Variants in AP1M1 observed in about 807,000 individuals in gnomAD.
AP1M1 encodes AP-1 complex subunit mu-1.
Under a neutral mutation model 57.1 loss-of-function variants are expected in AP1M1, and 18 were observed. That is an observed-to-expected ratio of 0.32 (90% CI 0.22 to 0.47). AP1M1 has a LOEUF of 0.47. AP1M1 is among the 20% of genes least tolerant of loss of function. AP1M1 has a pLI of 1.00. For missense variants in AP1M1, 362 were observed against 593.5 expected (o/e 0.61, Z 4.05); for synonymous variants, 241 against 237.9 (o/e 1.01, Z -0.12).
chr19:16,217,578 G>A lies in AP1M1; in HGVS notation c.546+8401G>A, dbSNP rs924976474. 8.5e-5 allele frequency among the ~76,000 whole-genome samples: 13 copies of A among 152,190 alleles called. 2 individuals carry two copies. In the South Asian group the frequency reaches 2.5e-3, roughly 29 times the overall value. ...CTGCCAGTGCAGGAGCTCTGATGCC[G>A]CCCCCAAGAGGTACCTGGGGATTGC... On this transcript the variant is annotated intron_variant, in intron 5 of 11. Coordinates refer to ENST00000291439, the MANE Select transcript of AP1M1 (RefSeq NM_032493.4).
intron 5 of AP1M1, among the ~76,000 whole-genome samples, chr19:16,214,072 A>G (rs1421618503): frequency 2.4e-5 from 3 of 126,258 alleles, no homozygotes; most frequent in Non-Finnish European, 5.2e-5. Flanking sequence ...TTTTTGAGAC[A>G]AAGTCTCACT....
Position 16,236,858 on chromosome 19 carries a change from A to G in AP1M1, c.*2423A>G, listed in dbSNP as rs972627693. On this transcript the variant is annotated 3_prime_UTR_variant, in exon 12 of 12. Transcript: ENST00000291439. The stretch of plus-strand genomic sequence containing the variant: ...GGGCACATCCTGAAAATTACAAAAC[A>G]CGTGCATGAAAGCAAACTTGAAACA... The G allele has an allele frequency of 3.9e-5, 6 of 152,136 alleles. No homozygotes were observed. Among genetic ancestry groups the G allele is most frequent in the African/African-American group, 1.2e-4 (5 of 41,378 alleles). The allele number at this position is 152,136 out of a possible 1,614,324, so 9.4% of individuals were successfully genotyped here. A position where few individuals can be genotyped will look rare whatever the true frequency, so the allele number is the denominator to read the frequency against.
chr19:16,233,492 G>T lies in AP1M1; in HGVS notation c.1048-1G>T. 1 of 1,599,734 alleles carries T rather than the reference G, an allele frequency of 6.3e-7. No individual in the cohort carries two copies. The highest frequency in any genetic ancestry group is 8.5e-7 in the Non-Finnish European group (1 of 1,173,938). ...GAGCGCCTCCCCCGTCTGCTCCCCA[G>T]GGCGGCAAGGAGTACCTGATGCGGG... On this transcript the variant is annotated splice_acceptor_variant, in intron 9 of 11. Transcript: ENST00000291439. LOFTEE classifies it high-confidence loss of function.
chr19:16,226,716 T>C, intron 6 of AP1M1, 169 bp downstream of exon 6: 1 of 905,822 alleles, frequency 1.1e-6, no homozygotes, highest in Non-Finnish European at 1.6e-6. Flanking sequence ...CATCCTTCCC[T>C]GGACATAGAA....
Position 16,228,254 on chromosome 19 carries a change from G to A in AP1M1, c.888+46G>A, listed in dbSNP as rs199599699. On this transcript the variant is annotated intron_variant, in intron 8 of 11. Transcript: ENST00000291439. The surrounding 1 kb of genome is among the most constrained non-coding windows in gnomAD (Gnocchi z 5.0). ...CACTGAGGGCCTTCTGGTGTCTCTG[G>A]CCCGTCCCAGGAGCCTAACCGAGGG... is the stretch of plus-strand genomic sequence containing the variant. 1.4e-5 allele frequency: 22 copies of A among 1,599,348 alleles called. No homozygotes were observed. In the East Asian group the frequency reaches 4.9e-4, roughly 36 times the overall value.
intron 5 of AP1M1, among the ~76,000 whole-genome samples, chr19:16,223,086 T>A (rs1002148871): frequency 6.6e-6 from 1 of 152,176 alleles, no homozygotes; most frequent in African/African-American, 2.4e-5. Context: ...ATACTCTAGG[T>A]CTTATTTAAG....
At chr19:16,223,792 G>A (rs1017761049) in intron 5 of AP1M1, among the ~76,000 whole-genome samples, 2 of 152,206 alleles carry the variant, frequency 1.3e-5, no homozygotes, top group African/African-American at 2.4e-5. Context: ...TCAGTCTTCC[G>A]GCAGCTGCCA....
At position 16,203,977 on chromosome 19, in the gene AP1M1, C is replaced by T. The variant is rs899173444; in HGVS notation, c.199+362C>T. Among the ~76,000 whole-genome samples the T allele has an allele frequency of 1.3e-5, 2 of 152,066 alleles. No individual in the cohort carries two copies. Among genetic ancestry groups the T allele is most frequent in the African/African-American group, 4.8e-5 (2 of 41,406 alleles). ...AGAGCCTCATTCCAACAGCTGCACT[C>T]GGGGTGGCTGGAGAGGGGGCGTGTA... On this transcript the variant is annotated intron_variant, in intron 2 of 11. Coordinates refer to ENST00000291439, the MANE Select transcript of AP1M1 (RefSeq NM_032493.4). This position sits in a 1 kb window ranked among gnomAD's most constrained non-coding sequence, Gnocchi z 4.6.
intron 4 of AP1M1, 50 bp from the exon 5 acceptor site, chr19:16,208,980 G>T (rs45529938): frequency 2.5e-6 from 4 of 1,579,852 alleles, no homozygotes; most frequent in Non-Finnish European, 2.6e-6. Flanking sequence ...CAGAAGCTGT[G>T]GCGTTGGTGC....
intron 9 of AP1M1, among the ~76,000 whole-genome samples, chr19:16,229,997 C>T (rs2091589215): frequency 6.6e-6 from 1 of 152,156 alleles, no homozygotes; most frequent in Admixed American, 6.5e-5. Context: ...TCTTTTCCTG[C>T]AATTCCACTG....
chr19:16,209,183 C>T lies in AP1M1; in HGVS notation c.546+6C>T. 6.2e-7 allele frequency: 1 copy of T among 1,613,494 alleles called. No individual in the cohort carries two copies. Among genetic ancestry groups the T allele is most frequent in the Non-Finnish European group, 8.5e-7 (1 of 1,179,744 alleles). ...TCGAGTCTGTCAACCTCTTGGTAGG[C>T]CTCTTTTCTTTCCTTCTTCTGTAGG... On this transcript the variant is annotated splice_donor_region_variant and intron_variant, in intron 5 of 11. Coordinates refer to ENST00000291439, the MANE Select transcript of AP1M1 (RefSeq NM_032493.4).
Position 16,228,067 on chromosome 19 carries a change from G to GTTTC in AP1M1, c.817-69_817-66dup. 2.0e-6 allele frequency: 3 copies of GTTTC among 1,514,798 alleles called. No homozygotes were observed. Among genetic ancestry groups the GTTTC allele is most frequent in the Non-Finnish European group, 1.8e-6 (2 of 1,097,822 alleles). The allele number at this position is 1,514,798 out of a possible 1,614,324, so 93.8% of individuals were successfully genotyped here. Reference sequence around the variant, plus strand: ...AGATGGTCCCTTGCCCTGGGCCTTGGTTTCCCCTCTGAAATGGGCCTTTGT... The same window carrying GTTTC: ...AGATGGTCCCTTGCCCTGGGCCTTGGTTTCTTTCCCCTCTGAAATGGGCCTTTGT... On this transcript the variant is annotated intron_variant, in intron 7 of 11. Transcript: ENST00000291439. This position sits in a 1 kb window ranked among gnomAD's most constrained non-coding sequence, Gnocchi z 5.0.
Position 16,203,574 on chromosome 19 carries a change from G to A in AP1M1, c.158G>A (p.Gly53Glu), listed in dbSNP as rs944338208. Reference sequence around the variant, plus strand: ...ATGCTGTCGCCCATCCTGGCCCACGGGGGGGTCCGTTTCATGTGGATCAAA... The same window carrying A: ...ATGCTGTCGCCCATCCTGGCCCACGAGGGGGTCCGTTTCATGTGGATCAAA... ...EGMLSPILAH[G>E]GVRFMWIKHN... The change falls in exon 2 of 12, where the codon GGG becomes GAG. Residue 53 changes from glycine (G) to glutamate (E), a missense_variant. By Grantham distance (98) the Gly-to-Glu change is moderately conservative. Transcript: ENST00000291439. The surrounding 1 kb of genome is among the most constrained non-coding windows in gnomAD (Gnocchi z 4.6). 7 of 1,613,994 alleles carry A rather than the reference G, an allele frequency of 4.3e-6. No individual in the cohort carries two copies. Among genetic ancestry groups the A allele is most frequent in the Non-Finnish European group, 5.9e-6 (7 of 1,179,920 alleles).
intron 5 of AP1M1, among the ~76,000 whole-genome samples, chr19:16,219,676 A>G (rs1473410360): frequency 6.6e-6 from 1 of 152,164 alleles, no homozygotes; most frequent in Non-Finnish European, 1.5e-5. Flanking sequence ...GGGGGAATTC[A>G]GGTGTGAGCC....
rs1568350995 is a variant in AP1M1, at chr19:16,215,194, C to CAGGGGCGGGGGGGGGGGGGGGGGGGGG, written c.546+6017_546+6018insAGGGGCGGGGGGGGGGGGGGGGGGGGG. On this transcript the variant is annotated intron_variant, in intron 5 of 11. Coordinates refer to ENST00000291439, the MANE Select transcript of AP1M1 (RefSeq NM_032493.4). Reference sequence around the variant, plus strand: ...ATCCCAGCACTTTGGGAGGCTAAGGCGGGGGCGGGGGGGGGGGAGAGGGGG... The same window carrying CAGGGGCGGGGGGGGGGGGGGGGGGGGG: ...ATCCCAGCACTTTGGGAGGCTAAGGCAGGGGCGGGGGGGGGGGGGGGGGGGGGGGGGGCGGGGGGGGGGGAGAGGGGG... Among the ~76,000 whole-genome samples, 3 of 1,922 alleles carry CAGGGGCGGGGGGGGGGGGGGGGGGGGG rather than the reference C, an allele frequency of 1.6e-3. 1 individual carries two copies. The highest frequency in any genetic ancestry group is 0.014 in the Admixed American group (3 of 218). The allele number at this position is 1,922 out of a possible 152,430, so 1.3% of individuals were successfully genotyped here.
intron 5 of AP1M1, among the ~76,000 whole-genome samples, chr19:16,217,142 G>T (rs904669633): frequency 3.9e-5 from 6 of 152,164 alleles, no homozygotes; most frequent in Non-Finnish European, 5.9e-5. Flanking sequence ...CTTTGTGCAT[G>T]TTCACACTGG....
At position 16,228,630 on chromosome 19, in the gene AP1M1, TG is replaced by T; in HGVS notation, c.889-137del. 1 of 804,670 alleles carries T rather than the reference TG, an allele frequency of 1.2e-6. No homozygotes were observed. Among genetic ancestry groups the T allele is most frequent in the Non-Finnish European group, 2.0e-6 (1 of 510,688 alleles). 49.8% of individuals were successfully genotyped at this position (804,670 alleles called of 1,614,324 possible). On this transcript the variant is annotated intron_variant, in intron 8 of 11. Coordinates refer to ENST00000291439, the MANE Select transcript of AP1M1 (RefSeq NM_032493.4). The surrounding 1 kb of genome is among the most constrained non-coding windows in gnomAD (Gnocchi z 5.0). ...AGAGTCTCGAGGGCAGGAGAAGGGG[TG>T]GGTAGTGCCTGGAGAAGTGGGGCCA... is the stretch of plus-strand genomic sequence containing the variant.
intron 1 of AP1M1, among the ~76,000 whole-genome samples, chr19:16,199,889 A>T (rs1156363308): frequency 6.6e-6 from 1 of 151,926 alleles, no homozygotes; most frequent in Non-Finnish European, 1.5e-5. Context: ...CCTAGCATGC[A>T]CCCTGCCCTA....
intron 5 of AP1M1, among the ~76,000 whole-genome samples, chr19:16,214,028 G>T (rs943059355): frequency 1.3e-5 from 2 of 150,190 alleles, no homozygotes; most frequent in African/African-American, 4.9e-5. Flanking sequence ...GTAGTGGCTA[G>T]TAATGGCCTT....
Sources: allele counts gnomAD v4.1 joint callset (sites outside exome capture counted in the v4.1 genomes callset), GRCh38; gene constraint gnomAD v4.1.1; non-coding constraint Gnocchi (gnomAD v3.1); transcripts MANE v1.5; gene names NCBI Gene and HGNC (gene_info 2026-07-23, HGNC 2026-07-21).